Variants in SORBS2 observed in about 807,000 individuals in gnomAD.
SORBS2 encodes sorbin and SH3 domain-containing protein 2.
SORBS2 carries 46 observed loss-of-function variants against 97.7 expected under a neutral mutation model. The ratio of observed to expected loss-of-function variants is 0.47; its 90% CI spans 0.37 to 0.60. The LOEUF is 0.60. Among genes scored for constraint, SORBS2 ranks in the 20% least tolerant of loss-of-function variants. The pLI, the probability that SORBS2 is intolerant of heterozygous loss-of-function variation, is 0.00. For synonymous variants in SORBS2, 476 were observed against 473.4 expected (o/e 1.01, Z -0.07); for missense variants, 1,316 against 1,282.3 (o/e 1.03, Z -0.40).
At chr4:185,855,691 A>G (rs1341969039) in intron 1 of SORBS2, among the ~76,000 whole-genome samples, 1 of 152,212 alleles carries the variant, frequency 6.6e-6, no homozygotes, top group Admixed American at 6.5e-5. Flanking sequence ...AATAGAAACC[A>G]TGTGTCTGTA....
At chr4:185,878,343 TAAA>T (rs1467266700) in intron 1 of SORBS2, among the ~76,000 whole-genome samples, 2 of 152,212 alleles carry the variant, frequency 1.3e-5, no homozygotes, top group Non-Finnish European at 2.9e-5. Flanking sequence ...AGGATCACTA[TAAA>T]ATCTTATTTA....
chr4:185,808,909 A>G (rs943353586), intron 1 of SORBS2, among the ~76,000 whole-genome samples: 9 of 152,212 alleles, frequency 5.9e-5, no homozygotes, highest in Non-Finnish European at 1.3e-4. Flanking sequence ...AGCCATGGAT[A>G]GAAAAATAGT....
Position 185,623,158 on chromosome 4 carries a change from G to A in SORBS2, c.1971C>T (p.Asp657=), listed in dbSNP as rs754148438. Residue 657 remains aspartate, a synonymous_variant, in exon 7 of 15, where the codon GAC becomes GAT. Transcript: ENST00000418609. This position sits in a 1 kb window ranked among gnomAD's most constrained non-coding sequence, Gnocchi z 6.4. The stretch of plus-strand genomic sequence containing the variant: ...TGATGAGGCGGTGCAGGATGCTGTT[G>A]TCCGGCAAGCTCCCCCTTTTCTTTT... 2.5e-6 allele frequency: 4 copies of A among 1,614,148 alleles called. No homozygotes were observed. Among genetic ancestry groups the A allele is most frequent in the Admixed American group, 1.7e-5 (1 of 60,026 alleles).
chr4:185,813,905 C>T (rs533330313), intron 1 of SORBS2, among the ~76,000 whole-genome samples: 1 of 152,248 alleles, frequency 6.6e-6, no homozygotes, highest in Admixed American at 6.5e-5. Context: ...ACTGTTCTAT[C>T]AACTCTCTGG....
chr4:185,719,277 G>A (rs529615791), intron 2 of SORBS2, among the ~76,000 whole-genome samples: 12 of 152,322 alleles, frequency 7.9e-5, no homozygotes, highest in Admixed American at 2.6e-4. Context: ...AAGCAAGAAA[G>A]CTCCTTGAAG....
At chr4:185,827,258 C>T (rs1309380245) in intron 1 of SORBS2, among the ~76,000 whole-genome samples, 2 of 19,396 alleles carry the variant, frequency 1.0e-4, no homozygotes, top group African/African-American at 1.8e-4. Context: ...ATCATCATCA[C>T]CATCATCACC....
intron 1 of SORBS2, among the ~76,000 whole-genome samples, chr4:185,926,742 T>C (rs961865714): frequency 1.3e-5 from 2 of 152,130 alleles, no homozygotes; most frequent in African/African-American, 4.8e-5. Context: ...GCGAGGTTAA[T>C]TGACATATTT....
intron 1 of SORBS2, among the ~76,000 whole-genome samples, chr4:185,829,017 C>T (rs2099203644): frequency 6.6e-6 from 1 of 152,214 alleles, no homozygotes; most frequent in African/African-American, 2.4e-5. Context: ...GTGACACATA[C>T]ATATTTTGGA....
rs922314149 is a variant in SORBS2, at chr4:185,677,632, G to A, written c.-46+791C>T. On this transcript the variant is annotated intron_variant, in intron 4 of 20. Coordinates refer to the SORBS2 transcript ENST00000284776. ...AAGCTCTCTTTTCTTTCTGGTGGAG[G>A]GGGTGCCTGGATTGACAATGGGATC... The A allele has an allele frequency of 1.1e-5, 17 of 1,508,196 alleles. No homozygotes were observed. In the African/African-American group the frequency reaches 2.0e-4, roughly 17 times the overall value. The allele number at this position is 1,508,196 out of a possible 1,614,324, so 93.4% of individuals were successfully genotyped here. A position where few individuals can be genotyped will look rare whatever the true frequency, so the allele number is the denominator to read the frequency against.
At chr4:185,648,675 C>T (rs1303839744) in intron 3 of SORBS2, among the ~76,000 whole-genome samples, 1 of 151,970 alleles carries the variant, frequency 6.6e-6, no homozygotes, top group African/African-American at 2.4e-5. Context: ...TAGCATAGGC[C>T]TTGGGTTTAA....
intron 4 of SORBS2, among the ~76,000 whole-genome samples, chr4:185,635,768 G>A (rs940750485): frequency 1.8e-4 from 27 of 152,322 alleles, no homozygotes; most frequent in African/African-American, 6.3e-4. Context: ...GAGTTTCCAT[G>A]TGTGACTGAA....
intron 12 of SORBS2, among the ~76,000 whole-genome samples, chr4:185,597,833 C>A (rs1221628630): frequency 1.3e-5 from 2 of 152,146 alleles, no homozygotes; most frequent in East Asian, 3.9e-4. Context: ...GCTTTATCTG[C>A]CCCTTTTTAT....
At chr4:185,935,580 C>T (rs1281953672) in intron 1 of SORBS2, among the ~76,000 whole-genome samples, 1 of 152,150 alleles carries the variant, frequency 6.6e-6, no homozygotes, top group Non-Finnish European at 1.5e-5. Context: ...CCATGAGTAG[C>T]CATTGTTAGT....
chr4:185,886,898 T>A (rs900482788), intron 1 of SORBS2, among the ~76,000 whole-genome samples: 6 of 152,198 alleles, frequency 3.9e-5, no homozygotes, highest in Admixed American at 3.9e-4. Flanking sequence ...AGGGTATAAC[T>A]TAGACCAAAT....
intron 11 of SORBS2, among the ~76,000 whole-genome samples, chr4:185,612,653 T>G (rs2096560032): frequency 6.6e-6 from 1 of 151,994 alleles, no homozygotes; most frequent in Non-Finnish European, 1.5e-5. Flanking sequence ...CAGGCCCGGC[T>G]AATTTTTTGT....
intron 4 of SORBS2, among the ~76,000 whole-genome samples, chr4:185,632,277 G>A (rs1029909192): frequency 1.3e-5 from 2 of 152,088 alleles, no homozygotes; most frequent in Admixed American, 6.5e-5. Flanking sequence ...AGAAACAAAA[G>A]CATCTCTGCA....
intron 1 of SORBS2, among the ~76,000 whole-genome samples, chr4:185,779,151 T>C (rs2099015000): frequency 6.6e-6 from 1 of 151,292 alleles, no homozygotes; most frequent in African/African-American, 2.4e-5. Context: ...CTTTCTTGGT[T>C]GAACCTTTCA....
intron 1 of SORBS2, among the ~76,000 whole-genome samples, chr4:185,893,507 C>T (rs932148018): frequency 2.6e-5 from 4 of 152,122 alleles, no homozygotes; most frequent in African/African-American, 7.2e-5. Context: ...GAATAGATAG[C>T]GTAGAGGTGA....
intron 2 of SORBS2, among the ~76,000 whole-genome samples, chr4:185,765,383 TA>T (rs1325376080): frequency 1.3e-5 from 2 of 152,096 alleles, no homozygotes; most frequent in Non-Finnish European, 2.9e-5. Context: ...CCTGTGGTTT[TA>T]AGTATTTTAG....
Sources: gnomAD v4.1 joint callset for allele counts (sites outside exome capture counted in the v4.1 genomes callset) on GRCh38, gnomAD v4.1.1 for gene constraint, Gnocchi (gnomAD v3.1) non-coding constraint, MANE v1.5 for transcripts, NCBI Gene and HGNC (gene_info 2026-07-23, HGNC 2026-07-21) for gene names.